Variants in ZFP64 observed in about 807,000 individuals in gnomAD.
ZFP64 encodes the protein ZFP64 zinc finger protein.
Under a neutral mutation model 51.6 loss-of-function variants are expected in ZFP64, and 14 were observed. That is an observed-to-expected ratio of 0.27 (90% CI 0.18 to 0.42). The LOEUF (loss-of-function observed/expected upper bound fraction) is 0.42. Ranked by LOEUF, ZFP64 falls within the 10% of genes least tolerant of loss-of-function variation. The probability of loss-of-function intolerance (pLI) is 1.00; values close to 1 mark genes in which losing one functional copy is unlikely to be tolerated. For missense variants in ZFP64, 754 were observed against 906.8 expected, an observed-to-expected ratio of 0.83 and a Z score of 2.16; for synonymous variants, 375 against 361.4, an observed-to-expected ratio of 1.04 and a Z score of -0.43.
chr20:52,088,817 T>G, intron 7 of ZFP64: 1 of 800,124 alleles, frequency 1.2e-6, no homozygotes. Context: ...TGTGTATCAT[T>G]CATTGATAGT....
chr20:52,171,988 G>C (rs141736932), intron 2 of ZFP64, among the ~76,000 whole-genome samples: 3,345 of 151,874 alleles, frequency 0.022, 48 homozygotes, highest in African/African-American at 0.035. Context: ...CTCAGGTGAT[G>C]TGCCCGCCTC....
chr20:52,093,605 C>T (rs111301895), intron 7 of ZFP64, among the ~76,000 whole-genome samples: 120 of 152,328 alleles, frequency 7.9e-4, no homozygotes, highest in Middle Eastern at 3.4e-3. Flanking sequence ...TGGAGACCCT[C>T]GTCAATGGAC....
At chr20:52,100,449 T>A (rs1374215939) in intron 5 of ZFP64, among the ~76,000 whole-genome samples, 1 of 152,122 alleles carries the variant, frequency 6.6e-6, no homozygotes, top group East Asian at 1.9e-4. Context: ...TTTCACCATG[T>A]TGGCCAAGTT....
At chr20:52,089,461 C>T (rs528571163) in intron 7 of ZFP64, among the ~76,000 whole-genome samples, 35 of 152,248 alleles carry the variant, frequency 2.3e-4, no homozygotes, top group African/African-American at 7.2e-4. Flanking sequence ...TGAACCTTGG[C>T]CAGGTGCGGT....
intron 5 of ZFP64, among the ~76,000 whole-genome samples, chr20:52,154,947 T>A (rs1291650816): frequency 6.6e-6 from 1 of 152,192 alleles, no homozygotes; most frequent in Non-Finnish European, 1.5e-5. Context: ...AGAATGTTGT[T>A]CTTAACCTTT....
Position 52,153,131 on chromosome 20 carries a change from C to T in ZFP64, c.1061G>A (p.Ser354Asn), listed in dbSNP as rs1981012268. 8 of 1,614,106 alleles carry T rather than the reference C, an allele frequency of 5.0e-6. No homozygotes were observed. The Admixed American group carries it at 8.3e-5, about 17-fold the overall frequency. The change falls in exon 6 of 6, where the codon AGC (serine) becomes AAC (asparagine). Residue 354 changes from serine to asparagine, a missense_variant. Physicochemically the swap from Ser to Asn is conservative, Grantham distance 46. This residue lies in a region of ZFP64 where 428 missense variants were observed against 472.4 expected (regional missense o/e 0.91). Transcript: ENST00000216923. This position sits in a 1 kb window ranked among gnomAD's most constrained non-coding sequence, Gnocchi z 5.1. Reference sequence around the variant, plus strand: ...CTCGTGGATGCGCAGGGCGGCCTTGCTGGAGCAGGAGTAGCTGCATTCCGA... The same window carrying T: ...CTCGTGGATGCGCAGGGCGGCCTTGTTGGAGCAGGAGTAGCTGCATTCCGA... ...KCSECSYSCS[S>N]KAALRIHERI...
intron 5 of ZFP64, among the ~76,000 whole-genome samples, chr20:52,130,154 C>A (rs1979654630): frequency 6.6e-6 from 1 of 152,154 alleles, no homozygotes; most frequent in Non-Finnish European, 1.5e-5. Flanking sequence ...TCAGTCCCTC[C>A]ACCCTGCCAT....
intron 5 of ZFP64, chr20:52,110,984 T>C (rs1978534009): frequency 6.7e-7 from 1 of 1,500,720 alleles, no homozygotes; most frequent in Non-Finnish European, 9.3e-7. Flanking sequence ...CTTTTGGGAA[T>C]GACCTTGTAG....
intron 5 of ZFP64, among the ~76,000 whole-genome samples, chr20:52,126,998 C>G (rs1409264493): frequency 6.7e-6 from 1 of 149,544 alleles, no homozygotes; most frequent in African/African-American, 2.5e-5. Flanking sequence ...TGTCACTAGG[C>G]TGGAGTGCAG....
At chr20:52,090,617 G>A (rs1157343831) in intron 7 of ZFP64, among the ~76,000 whole-genome samples, 2 of 151,700 alleles carry the variant, frequency 1.3e-5, no homozygotes, top group Non-Finnish European at 2.9e-5. Context: ...TGGCCAACAT[G>A]GTGAAATCCT....
chr20:52,093,299 C>T (rs6021699), intron 7 of ZFP64, among the ~76,000 whole-genome samples: 17,233 of 152,096 alleles, frequency 0.11, 1,103 homozygotes, highest in African/African-American at 0.13. Context: ...CACCACCACG[C>T]GTGGCTAATA....
At chr20:52,131,603 A>C (rs1422291917) in intron 5 of ZFP64, among the ~76,000 whole-genome samples, 1 of 152,240 alleles carries the variant, frequency 6.6e-6, no homozygotes, top group Non-Finnish European at 1.5e-5. Flanking sequence ...TTTCAAGACA[A>C]AAACTATAAG....
intron 5 of ZFP64, chr20:52,110,493 G>T: frequency 1.4e-6 from 1 of 705,052 alleles, no homozygotes; most frequent in Non-Finnish European, 2.6e-6. Flanking sequence ...CCTCTGCCTA[G>T]TCTAAGATCT....
intron 7 of ZFP64, chr20:52,097,245 C>A: frequency 2.7e-6 from 3 of 1,128,930 alleles, no homozygotes; most frequent in Non-Finnish European, 4.0e-6. Context: ...CCAAGCCCAC[C>A]CCACTAGACT....
At chr20:52,105,335 G>T (rs150334398) in intron 5 of ZFP64, 1 of 1,249,436 alleles carries the variant, frequency 8.0e-7, no homozygotes, top group South Asian at 3.6e-5. Flanking sequence ...GCCGGAACGC[G>T]CATGTCCCGG....
intron 5 of ZFP64, among the ~76,000 whole-genome samples, chr20:52,129,571 CCCTCACT>C (rs1295637894): frequency 1.3e-5 from 2 of 152,166 alleles, no homozygotes; most frequent in Non-Finnish European, 2.9e-5. Context: ...ATGCTCATTT[CCCTCACT>C]CCTCCGTTCT....
chr20:52,108,549 C>T (rs1321324051), intron 5 of ZFP64, among the ~76,000 whole-genome samples: 1 of 151,090 alleles, frequency 6.6e-6, no homozygotes, highest in Non-Finnish European at 1.5e-5. Context: ...ACTCTTGTTG[C>T]CCAGGCTGGA....
rs557663780 is a variant in ZFP64 at position 52,176,505 on chromosome 20, C to CTTTTT, written c.286+10322_286+10326dup. Among the ~76,000 whole-genome samples, 149 of 136,724 alleles carry CTTTTT rather than the reference C, an allele frequency of 1.1e-3. 3 individuals carry two copies. The highest frequency in any genetic ancestry group is 3.9e-3 in the African/African-American group (140 of 36,152). 89.7% of individuals were successfully genotyped at this position (136,724 alleles called of 152,430 possible). A position where few individuals can be genotyped will look rare whatever the true frequency, so the allele number is the denominator to read the frequency against. ...ATTTCTAGCTTCTGGTTCAATCTCTCTTTTTTTTTTTTTTTGAGACGGAGT... is the reference window on the plus strand; with the variant it reads ...ATTTCTAGCTTCTGGTTCAATCTCTCTTTTTTTTTTTTTTTTTTTTGAGACGGAGT... On this transcript the variant is annotated intron_variant, in intron 2 of 5. Transcript: ENST00000216923.
At chr20:52,098,627 AACC>A in intron 5 of ZFP64, 3 of 1,613,212 alleles carry the variant, frequency 1.9e-6, no homozygotes, top group Non-Finnish European at 1.7e-6. Context: ...TCTCATTTAT[AACC>A]ACCATGCTAA....
Sources: gnomAD v4.1 joint callset for allele counts (sites outside exome capture counted in the v4.1 genomes callset) on GRCh38, gnomAD v4.1.1 for gene constraint, gnomAD v4.1.1 regional missense constraint, Gnocchi (gnomAD v3.1) non-coding constraint, MANE v1.5 for transcripts, NCBI Gene and HGNC (gene_info 2026-07-23, HGNC 2026-07-21) for gene names.